Variants in PCCA observed in about 807,000 individuals in gnomAD.
The protein encoded by PCCA is propionyl-CoA carboxylase subunit alpha.
In PCCA, 74 loss-of-function variants were observed where a neutral mutation model predicts 101.3. That is an observed-to-expected ratio of 0.73 (90% confidence interval 0.61 to 0.89). The LOEUF is 0.89. PCCA is among the 40% of genes least tolerant of loss of function. The pLI is 0.00. For synonymous variants in PCCA, 294 were observed against 313.6 expected (o/e 0.94, Z 0.66); for missense variants, 891 against 907.0 (o/e 0.98, Z 0.23).
At chr13:100,454,275 A>G (rs552450246) in intron 21 of PCCA, among the ~76,000 whole-genome samples, 28 of 152,136 alleles carry the variant, frequency 1.8e-4, no homozygotes, top group Non-Finnish European at 4.1e-4. Flanking sequence ...CACTCTGTTT[A>G]TACAGTTTAT....
intron 19 of PCCA, among the ~76,000 whole-genome samples, chr13:100,413,193 A>T (rs1214559754): frequency 6.6e-6 from 1 of 152,208 alleles, no homozygotes; most frequent in Non-Finnish European, 1.5e-5. Context: ...CTAGAATGCT[A>T]AACAGTCACA....
intron 22 of PCCA, among the ~76,000 whole-genome samples, chr13:100,517,790 G>GA (rs2086943894): frequency 6.6e-6 from 1 of 152,144 alleles, no homozygotes; most frequent in South Asian, 2.1e-4. Context: ...TACTGCTTGT[G>GA]AAAAATGTCC....
At chr13:100,106,237 A>C (rs1372974987) in intron 2 of PCCA, among the ~76,000 whole-genome samples, 1 of 152,064 alleles carries the variant, frequency 6.6e-6, no homozygotes, top group African/African-American at 2.4e-5. Flanking sequence ...AGGTTTTATG[A>C]TTCTTTTTAT....
In PCCA at chr13:100,114,856, A is replaced by T. The variant is rs531086347; in HGVS notation, c.300+2795A>T. Reference sequence around the variant, plus strand: ...TAAATTAATACAACCACTATAAAGAACAGTATGGAGGTTTCTCAAAAAACT... The same window carrying T: ...TAAATTAATACAACCACTATAAAGATCAGTATGGAGGTTTCTCAAAAAACT... On this transcript the variant is annotated intron_variant, in intron 4 of 23. Transcript: ENST00000376285. 4.6e-5 allele frequency among the ~76,000 whole-genome samples: 7 copies of T among 152,316 alleles called. No individual in the cohort carries two copies. The East Asian group carries it at 1.4e-3, about 29-fold the overall frequency.
At chr13:100,333,934 G>A (rs530452890) in intron 17 of PCCA, among the ~76,000 whole-genome samples, 2 of 152,168 alleles carry the variant, frequency 1.3e-5, no homozygotes, top group African/African-American at 4.8e-5. Context: ...ATTGATATAG[G>A]CTCTAGAAGA....
At chr13:100,212,226 AT>A (rs2059261839) in intron 7 of PCCA, among the ~76,000 whole-genome samples, 1 of 152,168 alleles carries the variant, frequency 6.6e-6, no homozygotes, top group Non-Finnish European at 1.5e-5. Context: ...ATGCACACCT[AT>A]TTTTATAAAT....
At chr13:100,268,886 C>T (rs1045840036) in intron 11 of PCCA, 103 bp downstream of exon 11, 52 of 864,220 alleles carry the variant, frequency 6.0e-5, no homozygotes, top group Middle Eastern at 4.8e-4. Context: ...GAGACAGGGT[C>T]TCACTCTGTT....
chr13:100,446,867 T>C (rs2080869398), intron 20 of PCCA, among the ~76,000 whole-genome samples: 1 of 152,250 alleles, frequency 6.6e-6, no homozygotes, highest in Non-Finnish European at 1.5e-5. Context: ...TCTGAACATA[T>C]TGTTTTGTTC....
chr13:100,137,624 C>T (rs537915762), intron 4 of PCCA, among the ~76,000 whole-genome samples: 4 of 152,044 alleles, frequency 2.6e-5, no homozygotes, highest in Non-Finnish European at 1.5e-5. Flanking sequence ...GCTCTGAAGC[C>T]TACTTTTTCT....
chr13:100,131,649 A>G (rs1370086661), intron 4 of PCCA, among the ~76,000 whole-genome samples: 4 of 152,150 alleles, frequency 2.6e-5, no homozygotes, highest in Admixed American at 1.3e-4. Flanking sequence ...ACAGTGTTTT[A>G]AAGTGTTGGA....
chr13:100,374,906 T>C (rs1352252287), intron 19 of PCCA, among the ~76,000 whole-genome samples: 1 of 152,210 alleles, frequency 6.6e-6, no homozygotes, highest in Non-Finnish European at 1.5e-5. Context: ...TGTCTTCTGC[T>C]AGGTTTTGAA....
chr13:100,298,668 CTCCCTCCTTCCTTCCTTCCTTCCTTCCT>C (rs2065813767), intron 12 of PCCA, among the ~76,000 whole-genome samples: 1 of 3,620 alleles, frequency 2.8e-4, no homozygotes, highest in African/African-American at 5.0e-4. Flanking sequence ...CCCTCCCTCC[CTCCCTCCTTCCTTCCTTCCTTCCTTCCT>C]TCCTTCCTTC....
chr13:100,211,671 GT>G (rs1411716295), intron 7 of PCCA, among the ~76,000 whole-genome samples: 14 of 151,994 alleles, frequency 9.2e-5, no homozygotes, highest in Admixed American at 8.5e-4. Context: ...TCTTTTTATT[GT>G]GCTAACTTGC....
chr13:100,440,166 ATATATATATATAT>A, intron 20 of PCCA, among the ~76,000 whole-genome samples: 1 of 7,478 alleles, frequency 1.3e-4, no homozygotes, highest in Non-Finnish European at 2.7e-4. Flanking sequence ...TTATATATAT[ATATATATATATAT>A]ATATATATAT....
intron 21 of PCCA, chr13:100,491,622 C>A (rs752891928): frequency 1.2e-5 from 15 of 1,297,474 alleles, no homozygotes; most frequent in Non-Finnish European, 1.5e-5. Flanking sequence ...ATGGCCAAAG[C>A]GGTGCACTCT....
At chr13:100,200,101 A>G (rs906361596) in intron 6 of PCCA, among the ~76,000 whole-genome samples, 2 of 151,360 alleles carry the variant, frequency 1.3e-5, no homozygotes, top group African/African-American at 4.9e-5. Context: ...CTTTATTTTT[A>G]TTTATTTATT....
chr13:100,230,154 A>G, intron 7 of PCCA, among the ~76,000 whole-genome samples: 1 of 152,166 alleles, frequency 6.6e-6, no homozygotes, highest in East Asian at 1.9e-4. Flanking sequence ...CATGAAGGTT[A>G]AGTGTGAAAA....
intron 2 of PCCA, among the ~76,000 whole-genome samples, chr13:100,107,895 C>T (rs1474359652): frequency 3.3e-5 from 5 of 152,180 alleles, no homozygotes; most frequent in Non-Finnish European, 7.3e-5. Flanking sequence ...GAATTTTGCA[C>T]ATTTGGAAAG....
At chr13:100,279,100 G>A (rs2063884272) in intron 12 of PCCA, among the ~76,000 whole-genome samples, 2 of 152,068 alleles carry the variant, frequency 1.3e-5, no homozygotes, top group African/African-American at 4.8e-5. Context: ...TAATACCTGC[G>A]CTTAGCAAAC....
Sources: allele counts gnomAD v4.1 joint callset (sites outside exome capture counted in the v4.1 genomes callset), GRCh38; gene constraint gnomAD v4.1.1; transcripts MANE v1.5; gene names NCBI Gene and HGNC (gene_info 2026-07-23, HGNC 2026-07-21).